ZNF727: variants seen among roughly 807,000 people sequenced by gnomAD.
The protein encoded by ZNF727 is putative zinc finger protein 727.
Under a neutral mutation model 11.5 loss-of-function variants are expected in ZNF727, and 11 were observed. The ratio of observed to expected loss-of-function variants is 0.95; its 90% CI spans 0.60 to 1.58. ZNF727 has a LOEUF of 1.58. Ranked by LOEUF, ZNF727 falls within the 40% of genes most tolerant of loss-of-function variation. The pLI is 0.00. For synonymous variants in ZNF727, 171 were observed against 196.1 expected, an observed-to-expected ratio of 0.87 and a Z score of 1.07; for missense variants, 533 against 581.7, an observed-to-expected ratio of 0.92 and a Z score of 0.86.
At chr7:64,071,862 C>A (rs185487022) in intron 3 of ZNF727, among the ~76,000 whole-genome samples, 1 of 152,008 alleles carries the variant, frequency 6.6e-6, no homozygotes, top group South Asian at 2.1e-4. Flanking sequence ...ACTGTGTGTT[C>A]TCTGTGGCTC....
chr7:64,047,487 T>C (rs753669366), intron 1 of ZNF727, among the ~76,000 whole-genome samples: 3 of 152,166 alleles, frequency 2.0e-5, no homozygotes, highest in Non-Finnish European at 2.9e-5. Flanking sequence ...TTTGGATCCT[T>C]TGCAGGGTGA....
intron 1 of ZNF727, among the ~76,000 whole-genome samples, chr7:64,059,084 A>G (rs1231168117): frequency 2.0e-5 from 3 of 151,984 alleles, no homozygotes; most frequent in African/African-American, 7.3e-5. Flanking sequence ...AGCTGGGATT[A>G]CATGTGCATG....
rs1366945633 is a variant in ZNF727, at chr7:64,069,606, C to T, written c.223C>T (p.Pro75Ser). The change falls in exon 3 of 4, where the codon CCA becomes TCA. Residue 75 changes from proline to serine, a missense_variant. Pro to Ser is a moderately conservative substitution (Grantham distance 74). Coordinates refer to ENST00000456806, the MANE Select transcript of ZNF727 (RefSeq NM_001159522.3). ...GAGACAGAAGACAGTAGCCAAACAC[C>T]CAGGTAGGTGGGAGTGAGTGAAGCA... ...ARRQKTVAKHPAGSLHFTAEI... is the reference protein window; with the variant it reads ...ARRQKTVAKHSAGSLHFTAEI... 2 of 1,558,942 alleles carry T rather than the reference C, an allele frequency of 1.3e-6. No homozygotes were observed. The highest frequency in any genetic ancestry group is 1.4e-5 in the African/African-American group (1 of 73,260).
At chr7:64,053,306 T>G (rs1584141952) in intron 1 of ZNF727, among the ~76,000 whole-genome samples, 1 of 151,740 alleles carries the variant, frequency 6.6e-6, no homozygotes, top group Non-Finnish European at 1.5e-5. Flanking sequence ...TGATAGGTTT[T>G]TTGTTGTTGT....
At chr7:64,077,017 A>G (rs1785677078) in intron 3 of ZNF727, among the ~76,000 whole-genome samples, 1 of 152,148 alleles carries the variant, frequency 6.6e-6, no homozygotes, top group Non-Finnish European at 1.5e-5. Flanking sequence ...TAAATATGAA[A>G]TACTTTTATT....
chr7:64,068,210 T>C (rs569714621), intron 1 of ZNF727, among the ~76,000 whole-genome samples: 45 of 151,916 alleles, frequency 3.0e-4, no homozygotes, highest in African/African-American at 1.1e-3. Context: ...TTATTTTTAA[T>C]AGGTACCTTG....
chr7:64,081,730 G>A lies in ZNF727; in HGVS notation c.*3181G>A, dbSNP rs1282125026. ...CAGTTGGATCAGCTTCTTCTGATTT[G>A]CAAGACCATCCTGCAGAAATTAGGT... On this transcript the variant is annotated 3_prime_UTR_variant, in exon 4 of 4. Coordinates refer to ENST00000456806, the MANE Select transcript of ZNF727 (RefSeq NM_001159522.3). 1.3e-5 allele frequency among the ~76,000 whole-genome samples: 2 copies of A among 152,254 alleles called. No homozygotes were observed. Among genetic ancestry groups the A allele is most frequent in the East Asian group, 3.9e-4 (2 of 5,166 alleles).
intron 1 of ZNF727, among the ~76,000 whole-genome samples, chr7:64,058,766 G>A (rs1789724878): frequency 6.6e-6 from 1 of 152,126 alleles, no homozygotes; most frequent in Non-Finnish European, 1.5e-5. Flanking sequence ...TGGGTAATAC[G>A]ACAGGCAGCA....
intron 1 of ZNF727, among the ~76,000 whole-genome samples, chr7:64,058,776 AGTAACAAGGCAGCT>A (rs1789725021): frequency 6.6e-6 from 1 of 152,234 alleles, no homozygotes; most frequent in African/African-American, 2.4e-5. Flanking sequence ...GACAGGCAGC[AGTAACAAGGCAGCT>A]GTAACCTTTG....
At chr7:64,075,202 T>C (rs1245601527) in intron 3 of ZNF727, among the ~76,000 whole-genome samples, 1 of 152,110 alleles carries the variant, frequency 6.6e-6, no homozygotes, top group Non-Finnish European at 1.5e-5. Context: ...CATTTTATTT[T>C]ATATCATATT....
At chr7:64,074,864 G>A (rs1254915285) in intron 3 of ZNF727, among the ~76,000 whole-genome samples, 1 of 151,942 alleles carries the variant, frequency 6.6e-6, no homozygotes, top group African/African-American at 2.4e-5. Context: ...TAATAAACTC[G>A]AAATTGTTAC....
Position 64,082,546 on chromosome 7 carries a change from A to C in ZNF727, c.*3997A>C, listed in dbSNP as rs1487579734. Reference sequence around the variant, plus strand: ...CTGGAAACCCCTGTTGAAAGGTCTTACCCAGTGAGGAGAACATGACTGGGG... The same window carrying C: ...CTGGAAACCCCTGTTGAAAGGTCTTCCCCAGTGAGGAGAACATGACTGGGG... On this transcript the variant is annotated 3_prime_UTR_variant, in exon 4 of 4. Coordinates refer to ENST00000456806, the MANE Select transcript of ZNF727 (RefSeq NM_001159522.3). Among the ~76,000 whole-genome samples, 1 of 152,176 alleles carries C rather than the reference A, an allele frequency of 6.6e-6. No individual in the cohort carries two copies. The highest frequency in any genetic ancestry group is 6.5e-5 in the Admixed American group (1 of 15,274).
intron 1 of ZNF727, among the ~76,000 whole-genome samples, chr7:64,066,594 G>A (rs1235215671): frequency 1.3e-5 from 2 of 152,090 alleles, no homozygotes; most frequent in Non-Finnish European, 2.9e-5. Context: ...AAACTGTCTC[G>A]CCATATGCAG....
chr7:64,072,515 G>C (rs1346315905), intron 3 of ZNF727, among the ~76,000 whole-genome samples: 2 of 152,068 alleles, frequency 1.3e-5, no homozygotes, highest in Non-Finnish European at 2.9e-5. Context: ...GGCAGAACTG[G>C]CCACAAACTG....
chr7:64,069,549 C>G lies in ZNF727; in HGVS notation c.166C>G (p.Leu56Val), dbSNP rs111753634. 2 of 1,562,020 alleles carry G rather than the reference C, an allele frequency of 1.3e-6. No individual in the cohort carries two copies. The highest frequency in any genetic ancestry group is 1.7e-6 in the Non-Finnish European group (2 of 1,152,404). ...CTTTAAGCCAGACTTGATTACCTAT[C>G]TGGAGCAAAGAAAAGAGCCTTGGAA... ...AIFKPDLITY[L>V]EQRKEPWNAR... The change falls in exon 3 of 4, where the codon CTG becomes GTG. Residue 56 changes from leucine (L) to valine (V), a missense_variant. Transcript: ENST00000456806.
rs530663984 is a variant in ZNF727, at chr7:64,071,543, G to A, written c.226+1934G>A. Among the ~76,000 whole-genome samples the A allele has an allele frequency of 4.0e-5, 6 of 151,810 alleles. No individual in the cohort carries two copies. The South Asian group carries it at 6.2e-4, about 16-fold the overall frequency. Reference sequence around the variant, plus strand: ...GTGTTTTTGATACTAACCACTTATCGGATATGGTTTTCTTATACTATTTTT... The same window carrying A: ...GTGTTTTTGATACTAACCACTTATCAGATATGGTTTTCTTATACTATTTTT... On this transcript the variant is annotated intron_variant, in intron 3 of 3. Coordinates refer to ENST00000456806, the MANE Select transcript of ZNF727 (RefSeq NM_001159522.3).
chr7:64,050,776 A>ATGTGTGTGTG (rs10609208), intron 1 of ZNF727, among the ~76,000 whole-genome samples: 1 of 148,356 alleles, frequency 6.7e-6, no homozygotes, highest in African/African-American at 2.5e-5. Flanking sequence ...ATGCATATGT[A>ATGTGTGTGTG]TGTGTGTGTG....
chr7:64,049,919 TTTTA>T (rs1038972355), intron 1 of ZNF727, among the ~76,000 whole-genome samples: 31 of 151,624 alleles, frequency 2.0e-4, no homozygotes, highest in Non-Finnish European at 3.7e-4. Context: ...TTTACATCTG[TTTTA>T]TTTATTTATT....
Position 64,052,378 on chromosome 7 carries a change from CT to C in ZNF727, c.3+6775del, listed in dbSNP as rs56215284. On this transcript the variant is annotated intron_variant, in intron 1 of 3. Transcript: ENST00000456806. Reference sequence around the variant, plus strand: ...GAGTTCCCCTGGACAATTTCTCTCTCTTTTTTTTTTTTTTTTTTTTTGCCTG... The same window carrying C: ...GAGTTCCCCTGGACAATTTCTCTCTCTTTTTTTTTTTTTTTTTTTTGCCTG... Among the ~76,000 whole-genome samples, 695 of 130,332 alleles carry C rather than the reference CT, an allele frequency of 5.3e-3. 5 individuals are homozygous for C. Among genetic ancestry groups the C allele is most frequent in the African/African-American group, 0.011 (369 of 34,854 alleles). The allele number at this position is 130,332 out of a possible 152,430, so 85.5% of individuals were successfully genotyped here.
Sources: allele counts gnomAD v4.1 joint callset (sites outside exome capture counted in the v4.1 genomes callset), GRCh38; gene constraint gnomAD v4.1.1; transcripts MANE v1.5; gene names NCBI Gene and HGNC (gene_info 2026-07-23, HGNC 2026-07-21).